The following KCNT2 variants were observed in gnomAD, a reference collection of about 807,000 sequenced individuals.
KCNT2 encodes the protein potassium channel subfamily T member 2.
KCNT2 carries 67 observed loss-of-function variants against 153.8 expected under a neutral mutation model. The ratio of observed to expected loss-of-function variants is 0.44; its 90% CI spans 0.36 to 0.53. The LOEUF is 0.53. KCNT2 is among the 20% of genes least tolerant of loss of function. The probability of loss-of-function intolerance (pLI) is 0.00; values close to 1 mark genes in which losing one functional copy is unlikely to be tolerated. For synonymous variants in KCNT2, 500 were observed against 458.8 expected (o/e 1.09, Z -1.15); for missense variants, 975 against 1,354.8 (o/e 0.72, Z 4.40).
At chr1:196,307,963 A>G (rs1008633493) in intron 21 of KCNT2, among the ~76,000 whole-genome samples, 2 of 152,048 alleles carry the variant, frequency 1.3e-5, no homozygotes, top group Non-Finnish European at 2.9e-5. Flanking sequence ...GTCACTAAAG[A>G]TATTCACCAT....
Position 196,331,180 on chromosome 1 carries a change from T to C in KCNT2, c.2079A>G (p.Pro693=). Residue 693 remains proline, a synonymous_variant, in exon 18 of 28, where the codon CCA becomes CCG. Coordinates refer to ENST00000294725, the MANE Select transcript of KCNT2 (RefSeq NM_198503.5). The part of the protein sequence containing the change: ...TFCHLLHEKV[P]FCCLRLDKSC... ...CCTTGTCTAATCTTAAGCAGCAAAA[T>C]GGTACTTTTTCATGAAGGAGATGAC... is the stretch of plus-strand genomic sequence containing the variant. 2 of 1,603,350 alleles carry C rather than the reference T, an allele frequency of 1.2e-6. No homozygotes were observed. The highest frequency in any genetic ancestry group is 1.7e-6 in the Non-Finnish European group (2 of 1,170,640).
At chr1:196,561,380 T>C (rs1659361699) in intron 1 of KCNT2, among the ~76,000 whole-genome samples, 1 of 151,028 alleles carries the variant, frequency 6.6e-6, no homozygotes, top group Non-Finnish European at 1.5e-5. Flanking sequence ...ATGGTAGGAA[T>C]TTAGAATAGG....
chr1:196,342,221 G>C lies in KCNT2; in HGVS notation c.1411C>G (p.Gln471Glu). Reference sequence around the variant, plus strand: ...TTCTGCCATTGTTCTGGCGATTGCTGGCCTTCTCTGCAACACAGGCACACA... The same window carrying C: ...TTCTGCCATTGTTCTGGCGATTGCTCGCCTTCTCTGCAACACAGGCACACA... ...LVHTSRGQEG[Q>E]QSPEQWQKMY... Residue 471 changes from glutamine (Q) to glutamate (E), a missense_variant, in exon 15 of 28, where the codon CAG (glutamine) becomes GAG (glutamate). Coordinates refer to ENST00000294725, the MANE Select transcript of KCNT2 (RefSeq NM_198503.5). The C allele has an allele frequency of 6.2e-7, 1 of 1,610,408 alleles. No homozygotes were observed. The highest frequency in any genetic ancestry group is 8.5e-7 in the Non-Finnish European group (1 of 1,178,522).
chr1:196,404,209 A>T, intron 12 of KCNT2: 1 of 751,472 alleles, frequency 1.3e-6, no homozygotes, highest in Non-Finnish European at 1.6e-6. Flanking sequence ...TTTCTCCAGC[A>T]CCAGTGCCAC....
intron 1 of KCNT2, among the ~76,000 whole-genome samples, chr1:196,546,839 C>G (rs537760238): frequency 6.6e-6 from 1 of 152,080 alleles, no homozygotes; most frequent in Admixed American, 6.6e-5. Flanking sequence ...CAACTTAAGG[C>G]ACAATGTACG....
rs991675500 is a variant in KCNT2, at chr1:196,501,068, T to G, written c.96-8727A>C. ...AAAAAACAACAGATGTTGGAAAGTT[T>G]GCAGAGAAAACGGTGCACTTATACA... On this transcript the variant is annotated intron_variant, in intron 1 of 27. Transcript: ENST00000294725. 2.6e-5 allele frequency among the ~76,000 whole-genome samples: 4 copies of G among 152,290 alleles called. 1 individual carries two copies. Among genetic ancestry groups the G allele is most frequent in the African/African-American group, 9.6e-5 (4 of 41,570 alleles).
At chr1:196,392,249 A>G (rs1209851030) in intron 13 of KCNT2, among the ~76,000 whole-genome samples, 1 of 151,256 alleles carries the variant, frequency 6.6e-6, no homozygotes, top group Admixed American at 6.6e-5. Flanking sequence ...AAAGTAAAAA[A>G]TAGTGAGGAA....
At chr1:196,257,187 C>G (rs1045586412) in intron 26 of KCNT2, 82 of 950,532 alleles carry the variant, frequency 8.6e-5, no homozygotes, top group Non-Finnish European at 9.8e-5. Context: ...CAAGAATATA[C>G]ACATAAAGCA....
intron 14 of KCNT2, among the ~76,000 whole-genome samples, chr1:196,343,552 A>G (rs1665866023): frequency 6.6e-6 from 1 of 152,174 alleles, no homozygotes; most frequent in Non-Finnish European, 1.5e-5. Context: ...GGCCATTTTA[A>G]ACTGAGTATT....
intron 1 of KCNT2, among the ~76,000 whole-genome samples, chr1:196,504,173 T>G (rs1297273175): frequency 1.3e-5 from 2 of 151,964 alleles, no homozygotes; most frequent in Non-Finnish European, 2.9e-5. Context: ...CATGCTGGTG[T>G]GCTGCACCCA....
chr1:196,236,932 A>G (rs1654494873), intron 26 of KCNT2, among the ~76,000 whole-genome samples: 1 of 151,282 alleles, frequency 6.6e-6, no homozygotes, highest in African/African-American at 2.4e-5. Context: ...TCCCATGGGT[A>G]AAGTTTTCAG....
At chr1:196,492,817 C>G (rs1160837604) in intron 1 of KCNT2, among the ~76,000 whole-genome samples, 3 of 152,118 alleles carry the variant, frequency 2.0e-5, no homozygotes, top group African/African-American at 7.2e-5. Context: ...AAGGGCAGGG[C>G]CTAATAATCA....
At chr1:196,395,200 A>G (rs937449219) in intron 13 of KCNT2, among the ~76,000 whole-genome samples, 3 of 151,492 alleles carry the variant, frequency 2.0e-5, no homozygotes, top group Non-Finnish European at 3.0e-5. Context: ...CTGTTAACCA[A>G]TTAAGTTAGA....
At chr1:196,546,132 A>G (rs1210964260) in intron 1 of KCNT2, among the ~76,000 whole-genome samples, 2 of 152,098 alleles carry the variant, frequency 1.3e-5, no homozygotes, top group Admixed American at 1.3e-4. Context: ...ATTTGCACCA[A>G]ACAATTTTAT....
intron 25 of KCNT2, among the ~76,000 whole-genome samples, chr1:196,264,269 G>A (rs1035990602): frequency 2.0e-5 from 3 of 152,094 alleles, no homozygotes; most frequent in Non-Finnish European, 4.4e-5. Flanking sequence ...GAGTTAAAAA[G>A]AACAAATTGA....
chr1:196,320,762 A>T (rs1663223643), intron 19 of KCNT2, among the ~76,000 whole-genome samples: 1 of 151,664 alleles, frequency 6.6e-6, no homozygotes, highest in African/African-American at 2.4e-5. Context: ...TTTTGATTAA[A>T]TTTCTCCTAT....
intron 14 of KCNT2, among the ~76,000 whole-genome samples, chr1:196,358,231 A>C (rs1308157906): frequency 6.6e-6 from 1 of 151,578 alleles, no homozygotes; most frequent in Admixed American, 6.6e-5. Flanking sequence ...TTATCTTCCA[A>C]AACAATTTTT....
intron 8 of KCNT2, among the ~76,000 whole-genome samples, chr1:196,448,359 A>T (rs917386492): frequency 2.0e-5 from 3 of 151,558 alleles, no homozygotes; most frequent in African/African-American, 7.2e-5. Flanking sequence ...TTTATAAAAA[A>T]TATATTGTAT....
intron 1 of KCNT2, among the ~76,000 whole-genome samples, chr1:196,508,967 A>C (rs1681376284): frequency 6.6e-6 from 1 of 152,172 alleles, no homozygotes. Context: ...ACTGGGATGC[A>C]TGTACAAGAA....
Sources: allele counts gnomAD v4.1 joint callset (sites outside exome capture counted in the v4.1 genomes callset), GRCh38; gene constraint gnomAD v4.1.1; transcripts MANE v1.5; gene names NCBI Gene and HGNC (gene_info 2026-07-23, HGNC 2026-07-21).